Variants in CDH11 observed in about 807,000 individuals in gnomAD.
The protein encoded by CDH11 is cadherin-11.
In CDH11, 11 loss-of-function variants were observed where a neutral mutation model predicts 67.8. The observed-to-expected ratio is 0.16, with a 90% confidence interval of 0.10 to 0.27. The LOEUF (loss-of-function observed/expected upper bound fraction) is 0.27. Among genes scored for constraint, CDH11 ranks in the 10% least tolerant of loss-of-function variants. The pLI is 1.00. For missense variants in CDH11, 847 were observed against 1,031.2 expected (o/e 0.82, Z 2.45); for synonymous variants, 419 against 400.0 (o/e 1.05, Z -0.57).
intron 2 of CDH11, among the ~76,000 whole-genome samples, chr16:65,035,133 G>T (rs898012039): frequency 3.3e-5 from 5 of 152,210 alleles, no homozygotes; most frequent in Admixed American, 6.5e-5. Flanking sequence ...ACCCTGACTT[G>T]TTTCAGTGAG....
intron 8 of CDH11, among the ~76,000 whole-genome samples, chr16:64,976,454 T>C (rs914119071): frequency 1.1e-4 from 16 of 152,022 alleles, no homozygotes; most frequent in South Asian, 2.1e-4. Context: ...TTAAGAGTTA[T>C]GGTGATATTG....
chr16:65,014,149 G>A (rs568234630), intron 2 of CDH11, among the ~76,000 whole-genome samples: 1 of 152,258 alleles, frequency 6.6e-6, no homozygotes, highest in South Asian at 2.1e-4. Context: ...GGCTCTAGGA[G>A]TCCACTGTCT....
intron 1 of CDH11, among the ~76,000 whole-genome samples, chr16:65,058,018 T>C (rs1024336059): frequency 2.6e-5 from 4 of 152,108 alleles, no homozygotes; most frequent in African/African-American, 7.2e-5. Context: ...GAGGATCACA[T>C]GAGCTCAGGA....
intron 4 of CDH11, among the ~76,000 whole-genome samples, chr16:64,994,658 G>A (rs917202099): frequency 1.3e-5 from 2 of 152,166 alleles, no homozygotes; most frequent in Non-Finnish European, 2.9e-5. Context: ...ATAAGACAAG[G>A]ATGCCCACTC....
chr16:65,003,232 C>A (rs1052679939), intron 3 of CDH11, among the ~76,000 whole-genome samples: 2 of 151,166 alleles, frequency 1.3e-5, no homozygotes, highest in Non-Finnish European at 2.9e-5. Context: ...TGTTAATAAT[C>A]ATCTTTTTTA....
At chr16:65,013,032 T>A (rs943797020) in intron 2 of CDH11, among the ~76,000 whole-genome samples, 1 of 152,148 alleles carries the variant, frequency 6.6e-6, no homozygotes, top group Non-Finnish European at 1.5e-5. Flanking sequence ...TTCTATAAAA[T>A]AGGAGGTTGG....
chr16:64,981,851 C>T, intron 8 of CDH11, 197 bp downstream of exon 8: 1 of 491,188 alleles, frequency 2.0e-6, no homozygotes. Flanking sequence ...GTAGCTTGAA[C>T]AATCCTATCC....
intron 1 of CDH11, among the ~76,000 whole-genome samples, chr16:65,096,999 T>C (rs1250336319): frequency 6.6e-6 from 1 of 152,152 alleles, no homozygotes; most frequent in African/African-American, 2.4e-5. Context: ...CAGTACACAG[T>C]AGTCTATTAT....
chr16:64,967,649 A>C (rs538727421), intron 11 of CDH11, among the ~76,000 whole-genome samples: 48 of 152,354 alleles, frequency 3.2e-4, no homozygotes, highest in Non-Finnish European at 6.5e-4. Context: ...CATACTATTA[A>C]GTGGGAAAAT....
At chr16:65,083,267 C>T (rs2074642911) in intron 1 of CDH11, among the ~76,000 whole-genome samples, 1 of 152,168 alleles carries the variant, frequency 6.6e-6, no homozygotes, top group Non-Finnish European at 1.5e-5. Flanking sequence ...CTGCCTGGTT[C>T]CAATCTATGC....
intron 1 of CDH11, among the ~76,000 whole-genome samples, chr16:65,080,928 T>C (rs2074598899): frequency 1.3e-5 from 2 of 152,238 alleles, no homozygotes; most frequent in Admixed American, 1.3e-4. Flanking sequence ...ATCTCTAGCA[T>C]ATTGATGCAA....
chr16:65,057,022 G>C (rs2074154874), intron 1 of CDH11, among the ~76,000 whole-genome samples: 1 of 151,952 alleles, frequency 6.6e-6, no homozygotes. Context: ...AAAAAAACTG[G>C]TATACAATTA....
chr16:65,111,720 G>T (rs1276179792), intron 1 of CDH11, among the ~76,000 whole-genome samples: 1 of 128,644 alleles, frequency 7.8e-6, no homozygotes, highest in Non-Finnish European at 1.6e-5. Context: ...CACAAATGGG[G>T]AGTTCAATCT....
intron 2 of CDH11, among the ~76,000 whole-genome samples, chr16:65,047,969 T>C (rs1409860674): frequency 6.6e-6 from 1 of 152,202 alleles, no homozygotes; most frequent in Non-Finnish European, 1.5e-5. Flanking sequence ...AGGAACTCTG[T>C]ACCATGGTTA....
At chr16:65,079,800 T>C (rs1287322665) in intron 1 of CDH11, among the ~76,000 whole-genome samples, 2 of 152,202 alleles carry the variant, frequency 1.3e-5, no homozygotes. Context: ...ACCGGGCAAA[T>C]TATGCCTTCA....
At chr16:64,963,805 A>G (rs1179062553) in intron 11 of CDH11, among the ~76,000 whole-genome samples, 2 of 152,192 alleles carry the variant, frequency 1.3e-5, no homozygotes, top group South Asian at 4.1e-4. Flanking sequence ...AAGTGAAATA[A>G]TTAAAGTATT....
At chr16:65,107,810 G>A (rs1005416762) in intron 1 of CDH11, among the ~76,000 whole-genome samples, 6 of 151,862 alleles carry the variant, frequency 4.0e-5, no homozygotes, top group Admixed American at 1.3e-4. Flanking sequence ...ATTTGTGGAG[G>A]AAGATTTGAG....
intron 1 of CDH11, among the ~76,000 whole-genome samples, chr16:65,113,147 G>A (rs2075188288): frequency 6.6e-6 from 1 of 152,038 alleles, no homozygotes; most frequent in African/African-American, 2.4e-5. Context: ...TTAGCCCGGG[G>A]TGGTGGCACG....
intron 1 of CDH11, among the ~76,000 whole-genome samples, chr16:65,068,474 A>G (rs1180015307): frequency 6.6e-6 from 1 of 151,402 alleles, no homozygotes; most frequent in Non-Finnish European, 1.5e-5. Flanking sequence ...TGGATCTATG[A>G]GACTGTCTAT....
Sources: allele counts gnomAD v4.1 joint callset (sites outside exome capture counted in the v4.1 genomes callset), GRCh38; gene constraint gnomAD v4.1.1; transcripts MANE v1.5; gene names NCBI Gene and HGNC (gene_info 2026-07-23, HGNC 2026-07-21).